LRRC8C: variants seen among roughly 807,000 people sequenced by gnomAD.
LRRC8C encodes the protein volume-regulated anion channel subunit LRRC8C.
Under a neutral mutation model 55.3 loss-of-function variants are expected in LRRC8C, and 20 were observed. The observed-to-expected ratio is 0.36, with a 90% CI of 0.25 to 0.53. The LOEUF is 0.53. Among genes scored for constraint, LRRC8C ranks in the 20% least tolerant of loss-of-function variants. The pLI is 0.92. For missense variants in LRRC8C, 659 were observed against 951.4 expected (o/e 0.69, Z 4.04); for synonymous variants, 376 against 360.7 (o/e 1.04, Z -0.48).
chr1:89,673,546 G>A (rs1184255850), intron 1 of LRRC8C, among the ~76,000 whole-genome samples: 1 of 152,200 alleles, frequency 6.6e-6, no homozygotes, highest in Non-Finnish European at 1.5e-5. Flanking sequence ...CAAGTTAGCT[G>A]ATGAGCTTTA....
At chr1:89,641,218 A>G (rs941383036) in intron 1 of LRRC8C, among the ~76,000 whole-genome samples, 2 of 152,216 alleles carry the variant, frequency 1.3e-5, no homozygotes, top group Non-Finnish European at 2.9e-5. Context: ...TTTTGGACAA[A>G]TAATTTCTGA....
At chr1:89,647,268 T>G (rs2390764) in intron 1 of LRRC8C, among the ~76,000 whole-genome samples, 84,716 of 151,986 alleles carry the variant, frequency 0.56, 24,027 homozygotes, top group East Asian at 0.79. Flanking sequence ...ATGGATTGGG[T>G]TATCAAAGTG....
intron 1 of LRRC8C, among the ~76,000 whole-genome samples, chr1:89,674,302 GA>G (rs1657497650): frequency 6.6e-6 from 1 of 152,074 alleles, no homozygotes; most frequent in African/African-American, 2.4e-5. Context: ...TTCCTATAAA[GA>G]AACTTTTCAT....
At chr1:89,623,874 T>C in the LRRC8C span, among the ~76,000 whole-genome samples, 6 of 152,198 alleles carry the variant, frequency 3.9e-5, no homozygotes, top group South Asian at 1.0e-3. Flanking sequence ...AGCTAGTCGT[T>C]GTAAAGAAAT....
rs529533512 is a variant in LRRC8C at position 89,701,814 on chromosome 1, A to C, written c.139-10895A>C. Reference sequence around the variant, plus strand: ...ACAAAAATGCATACACAGACCCCAAAGCAAGATGAGCGTTTCTGTGGAGCA... The same window carrying C: ...ACAAAAATGCATACACAGACCCCAACGCAAGATGAGCGTTTCTGTGGAGCA... On this transcript the variant is annotated intron_variant, in intron 2 of 2. Transcript: ENST00000370454. Among the ~76,000 whole-genome samples, 4 of 152,336 alleles carry C rather than the reference A, an allele frequency of 2.6e-5. No individual in the cohort carries two copies. The South Asian group carries it at 8.3e-4, about 32-fold the overall frequency.
chr1:89,680,141 A>G (rs997759464), intron 1 of LRRC8C, among the ~76,000 whole-genome samples: 12 of 150,748 alleles, frequency 8.0e-5, no homozygotes, highest in South Asian at 2.1e-4. Context: ...GCAGTGGCGC[A>G]ATCTCAGCTC....
chr1:89,641,602 GT>G (rs1656457645), intron 1 of LRRC8C, among the ~76,000 whole-genome samples: 2 of 151,988 alleles, frequency 1.3e-5, no homozygotes, highest in African/African-American at 4.8e-5. Flanking sequence ...TTGCAGGTCT[GT>G]CTTGGTCAAG....
intron 2 of LRRC8C, among the ~76,000 whole-genome samples, chr1:89,708,179 G>A (rs1167402419): frequency 6.6e-6 from 1 of 151,172 alleles, no homozygotes; most frequent in Admixed American, 6.6e-5. Flanking sequence ...TCCTCCAAAG[G>A]CAGCTGAGAG....
At chr1:89,660,898 A>G (rs886694302) in intron 1 of LRRC8C, among the ~76,000 whole-genome samples, 2 of 152,216 alleles carry the variant, frequency 1.3e-5, no homozygotes, top group African/African-American at 4.8e-5. Flanking sequence ...CTCATGCAGC[A>G]GTTTAAAGCC....
At position 89,707,684 on chromosome 1, in the gene LRRC8C, TTA is replaced by T. The variant is rs1318286793; in HGVS notation, c.139-5024_139-5023del. Among the ~76,000 whole-genome samples, 226 of 150,620 alleles carry T rather than the reference TTA, an allele frequency of 1.5e-3. 2 individuals carry two copies. Among genetic ancestry groups the T allele is most frequent in the African/African-American group, 5.2e-3 (213 of 40,658 alleles). The stretch of plus-strand genomic sequence containing the variant: ...TGTGTGTGTGTGTGTGTAGCAGATT[TTA>T]CTAAAGATTTGAGAAAGATTGAAAG... On this transcript the variant is annotated intron_variant, in intron 2 of 2. Transcript: ENST00000370454.
In LRRC8C at chr1:89,714,241, T is replaced by C. The variant is rs1203114770; in HGVS notation, c.1671T>C (p.Pro557=). The C allele has an allele frequency of 1.2e-6, 2 of 1,613,924 alleles. No individual in the cohort carries two copies. Among genetic ancestry groups the C allele is most frequent in the Non-Finnish European group, 1.7e-6 (2 of 1,180,012 alleles). Residue 557 remains proline, a synonymous_variant, in exon 3 of 3, where the codon CCT becomes CCC. Coordinates refer to ENST00000370454, the MANE Select transcript of LRRC8C (RefSeq NM_032270.5). The surrounding 1 kb of genome is among the most constrained non-coding windows in gnomAD (Gnocchi z 4.6). ...TCAAAAGCAACGTTTCCAAAATCCC[T>C]CAGGCAGTGGTTGATGTTTCCAGCC... ...LSIKSNVSKI[P]QAVVDVSSHL... is the part of the protein sequence containing the mutation.
intron 1 of LRRC8C, among the ~76,000 whole-genome samples, chr1:89,685,037 T>C (rs941348450): frequency 6.6e-6 from 1 of 151,648 alleles, no homozygotes; most frequent in Non-Finnish European, 1.5e-5. Context: ...TTGTAATTGT[T>C]GCCAAAGCTG....
intron 1 of LRRC8C, among the ~76,000 whole-genome samples, chr1:89,659,760 C>T (rs1657061726): frequency 6.6e-6 from 1 of 152,170 alleles, no homozygotes. Context: ...CATTGAGAAA[C>T]TGTTTTGAGA....
chr1:89,624,958 T>C, the LRRC8C span: 6 of 152,308 alleles, frequency 3.9e-5, no homozygotes, highest in East Asian at 1.9e-4. Flanking sequence ...ATAGGAACCA[T>C]AGATTCCTAT....
intron 1 of LRRC8C, among the ~76,000 whole-genome samples, chr1:89,637,393 A>G (rs1656319527): frequency 6.6e-6 from 1 of 151,516 alleles, no homozygotes; most frequent in South Asian, 2.1e-4. Flanking sequence ...ATCATGGCAC[A>G]GTGTGGAGGC....
chr1:89,680,137 G>A (rs1657658844), intron 1 of LRRC8C, among the ~76,000 whole-genome samples: 1 of 151,404 alleles, frequency 6.6e-6, no homozygotes, highest in Non-Finnish European at 1.5e-5. Context: ...GAATGCAGTG[G>A]CGCAATCTCA....
intron 2 of LRRC8C, among the ~76,000 whole-genome samples, chr1:89,694,571 A>G (rs1570731192): frequency 7.1e-6 from 1 of 140,584 alleles, no homozygotes; most frequent in Non-Finnish European, 1.5e-5. Flanking sequence ...GGTGCGTGAC[A>G]CCATGCCCAG....
intron 2 of LRRC8C, among the ~76,000 whole-genome samples, chr1:89,711,559 G>A (rs1419783393): frequency 1.3e-5 from 2 of 152,134 alleles, no homozygotes; most frequent in African/African-American, 4.8e-5. Context: ...TCAACTTTTT[G>A]TTCATAGAGT....
intron 1 of LRRC8C, among the ~76,000 whole-genome samples, chr1:89,642,569 G>A (rs986518431): frequency 2.0e-5 from 3 of 152,126 alleles, no homozygotes; most frequent in African/African-American, 7.2e-5. Flanking sequence ...ACAAAAATTG[G>A]CCAGGCACAG....
Sources: allele counts gnomAD v4.1 joint callset (sites outside exome capture counted in the v4.1 genomes callset), GRCh38; gene constraint gnomAD v4.1.1; non-coding constraint Gnocchi (gnomAD v3.1); transcripts MANE v1.5; gene names NCBI Gene and HGNC (gene_info 2026-07-23, HGNC 2026-07-21).